Variants in VIT observed in about 807,000 individuals in gnomAD.
VIT encodes vitrin.
Under a neutral mutation model 78.0 loss-of-function variants are expected in VIT, and 99 were observed. The ratio of observed to expected loss-of-function variants is 1.27; its 90% CI spans 1.08 to 1.50. VIT has a LOEUF of 1.50. Ranked by LOEUF, VIT falls within the 40% of genes most tolerant of loss-of-function variation. VIT has a pLI of 0.00. For synonymous variants in VIT, 374 were observed against 334.3 expected (o/e 1.12, Z -1.29); for missense variants, 1,126 against 875.3 (o/e 1.29, Z -3.61).
At chr2:36,739,912 C>G (rs746208810) in intron 3 of VIT, among the ~76,000 whole-genome samples, 42 of 152,150 alleles carry the variant, frequency 2.8e-4, no homozygotes, top group Non-Finnish European at 5.4e-4. Flanking sequence ...ATGGAAGAGG[C>G]TTTTGTCTTG....
intron 15 of VIT, among the ~76,000 whole-genome samples, chr2:36,813,620 T>A (rs1456603838): frequency 1.3e-5 from 2 of 152,202 alleles, no homozygotes; most frequent in Non-Finnish European, 2.9e-5. Flanking sequence ...CAAGGGTTCC[T>A]GCACTGGAAA....
intron 1 of VIT, among the ~76,000 whole-genome samples, chr2:36,706,448 C>G (rs1298431632): frequency 1.3e-5 from 2 of 152,296 alleles, no homozygotes; most frequent in East Asian, 1.9e-4. Flanking sequence ...GGACCTTCTT[C>G]AGACTGGAAA....
chr2:36,763,742 AC>A (rs1448714774), intron 6 of VIT, among the ~76,000 whole-genome samples: 1 of 151,988 alleles, frequency 6.6e-6, no homozygotes, highest in South Asian at 2.1e-4. Flanking sequence ...GGGATGTGCC[AC>A]CACCTCTGGC....
At chr2:36,794,684 C>T (rs540708117) in intron 12 of VIT, among the ~76,000 whole-genome samples, 8 of 152,184 alleles carry the variant, frequency 5.3e-5, no homozygotes, top group African/African-American at 1.7e-4. Context: ...CTTTAATTCC[C>T]TTGGTGGATG....
chr2:36,753,190 C>T (rs1026271399), intron 4 of VIT, among the ~76,000 whole-genome samples: 8 of 122,280 alleles, frequency 6.5e-5, no homozygotes, highest in African/African-American at 2.5e-4. Context: ...GGGAGCAACA[C>T]ACACTGGGGC....
At chr2:36,809,203 G>C (rs1666974812) in intron 15 of VIT, among the ~76,000 whole-genome samples, 1 of 152,168 alleles carries the variant, frequency 6.6e-6, no homozygotes, top group South Asian at 2.1e-4. Flanking sequence ...GGTCTCCTAA[G>C]TGTCATTACA....
chr2:36,722,959 GA>G (rs1398016810), intron 2 of VIT, among the ~76,000 whole-genome samples: 4 of 150,710 alleles, frequency 2.7e-5, no homozygotes, highest in Admixed American at 1.3e-4. Context: ...ATTTATATAA[GA>G]TTCTAATTTT....
rs767000721 is a variant in VIT at position 36,805,551 on chromosome 2, G to C, written c.1276G>C (p.Glu426Gln). ...GGATGGCTGGCCCACGGACAAAGTG[G>C]AGGAGGCTTCAAGACTTGCGAGAGA... ...MVDGWPTDKV[E>Q]EASRLARESG... The change falls in exon 14 of 16, where the codon GAG becomes CAG. Residue 426 changes from glutamate to glutamine, a missense_variant. Coordinates refer to ENST00000379242, the MANE Select transcript of VIT (RefSeq NM_053276.4). 5 of 1,614,032 alleles carry C rather than the reference G, an allele frequency of 3.1e-6. No homozygotes were observed. The highest frequency in any genetic ancestry group is 2.2e-5 in the East Asian group (1 of 44,896).
At chr2:36,745,368 T>TA in intron 4 of VIT, among the ~76,000 whole-genome samples, 1 of 152,322 alleles carries the variant, frequency 6.6e-6, no homozygotes, top group Non-Finnish European at 1.5e-5. Flanking sequence ...GGCAGTTTGA[T>TA]AAAAATAATG....
At chr2:36,742,966 T>C in intron 3 of VIT, 134 bp from the exon 4 acceptor site, 3 of 1,075,974 alleles carry the variant, frequency 2.8e-6, no homozygotes, top group Non-Finnish European at 4.0e-6. Context: ...TTGCTTTCAT[T>C]ATAGGGAGGG....
intron 1 of VIT, among the ~76,000 whole-genome samples, chr2:36,698,068 T>C (rs540925418): frequency 1.3e-5 from 2 of 152,344 alleles, no homozygotes; most frequent in East Asian, 3.9e-4. Context: ...GAGCTGGAAG[T>C]GCCCATCTTT....
chr2:36,760,956 C>T (rs1669080040), intron 6 of VIT, among the ~76,000 whole-genome samples: 1 of 152,218 alleles, frequency 6.6e-6, no homozygotes. Flanking sequence ...CAGCTGCACC[C>T]CTCCCCCTCT....
At chr2:36,703,284 G>T (rs928504938) in intron 1 of VIT, among the ~76,000 whole-genome samples, 1 of 152,120 alleles carries the variant, frequency 6.6e-6, no homozygotes, top group Non-Finnish European at 1.5e-5. Flanking sequence ...CAAGTTATAG[G>T]CATTTTCCCT....
At chr2:36,746,827 C>T (rs1450066903) in intron 4 of VIT, among the ~76,000 whole-genome samples, 2 of 151,958 alleles carry the variant, frequency 1.3e-5, no homozygotes, top group Admixed American at 1.3e-4. Context: ...TTAGTGATTT[C>T]TTTTCTCCCA....
At chr2:36,793,739 G>C (rs1665664414) in intron 12 of VIT, among the ~76,000 whole-genome samples, 1 of 152,042 alleles carries the variant, frequency 6.6e-6, no homozygotes, top group African/African-American at 2.4e-5. Context: ...GTTCTTGTTG[G>C]AGGGAATTAT....
chr2:36,720,872 T>C lies in VIT; in HGVS notation c.52+4450T>C, dbSNP rs552188874. Among the ~76,000 whole-genome samples, 6 of 152,274 alleles carry C rather than the reference T, an allele frequency of 3.9e-5. No homozygotes were observed. In the South Asian group the frequency reaches 1.2e-3, roughly 32 times the overall value. The stretch of plus-strand genomic sequence containing the variant: ...TAAAAATATAAAAATTAGCCAGGTA[T>C]GGTAGCGGGCACCTGTAATCTAAGC... On this transcript the variant is annotated intron_variant, in intron 2 of 15. Transcript: ENST00000379242.
intron 12 of VIT, among the ~76,000 whole-genome samples, chr2:36,791,901 G>C (rs1317906445): frequency 1.3e-5 from 2 of 152,082 alleles, no homozygotes; most frequent in African/African-American, 4.8e-5. Context: ...AACTGGCAAC[G>C]AGGACCACTC....
chr2:36,753,392 GC>G (rs1423533662), intron 4 of VIT, among the ~76,000 whole-genome samples: 1 of 152,106 alleles, frequency 6.6e-6, no homozygotes, highest in African/African-American at 2.4e-5. Context: ...AAAAAAATTG[GC>G]TCTCAAAAGC....
In VIT at chr2:36,759,036, T is replaced by A. The variant is rs1237787876; in HGVS notation, c.477T>A (p.Ala159=). Residue 159 remains alanine, a synonymous_variant, in exon 6 of 16, where the codon GCT becomes GCA. Coordinates refer to ENST00000379242, the MANE Select transcript of VIT (RefSeq NM_053276.4). ...CATACTCATCATCGAAAAGTCCAGC[T>A]GCCCAAGCAGGCAAGTGCTCACGTG... The part of the protein sequence containing the change: ...ALTYSSSKSP[A]AQAGETTKAY... The A allele has an allele frequency of 3.7e-6, 6 of 1,614,170 alleles. No homozygotes were observed. Among genetic ancestry groups the A allele is most frequent in the Non-Finnish European group, 4.2e-6 (5 of 1,180,040 alleles).
Sources: allele counts gnomAD v4.1 joint callset (sites outside exome capture counted in the v4.1 genomes callset), GRCh38; gene constraint gnomAD v4.1.1; transcripts MANE v1.5; gene names NCBI Gene and HGNC (gene_info 2026-07-23, HGNC 2026-07-21).